Variants in BUB1 observed in about 807,000 individuals in gnomAD.
BUB1 encodes mitotic checkpoint serine/threonine-protein kinase BUB1.
In BUB1, 84 loss-of-function variants were observed where a neutral mutation model predicts 135.2. The ratio of observed to expected loss-of-function variants is 0.62; its 90% confidence interval spans 0.52 to 0.74. BUB1 has a LOEUF of 0.74. Among genes scored for constraint, BUB1 ranks in the 30% least tolerant of loss-of-function variants. The pLI is 0.00. For missense variants in BUB1, 1,162 were observed against 1,288.3 expected (o/e 0.90, Z 1.50); for synonymous variants, 403 against 434.4 (o/e 0.93, Z 0.90).
intron 19 of BUB1, among the ~76,000 whole-genome samples, chr2:110,643,096 T>C (rs921185809): frequency 3.9e-5 from 6 of 152,190 alleles, no homozygotes; most frequent in African/African-American, 1.4e-4. Flanking sequence ...ATGAGGAGCT[T>C]GGAGTCATCA....
chr2:110,674,919 A>G (rs1485277408), intron 1 of BUB1: 1 of 160,472 alleles, frequency 6.2e-6, no homozygotes, highest in Non-Finnish European at 1.4e-5. Context: ...ACTGACTCAG[A>G]CACCTGCCTT....
At chr2:110,660,102 T>C in intron 10 of BUB1, 66 bp from the exon 11 acceptor site, 1 of 1,385,136 alleles carries the variant, frequency 7.2e-7, no homozygotes, top group East Asian at 2.3e-5. Context: ...GGTGCGGTGG[T>C]GGCTCACGCC....
At chr2:110,676,981 A>T (rs190784803) in intron 1 of BUB1, among the ~76,000 whole-genome samples, 1 of 152,338 alleles carries the variant, frequency 6.6e-6, no homozygotes, top group Non-Finnish European at 1.5e-5. Context: ...GCAGAGGGAC[A>T]AATCCCTATT....
chr2:110,658,060 CCT>C (rs929683311), intron 13 of BUB1, among the ~76,000 whole-genome samples: 3 of 152,136 alleles, frequency 2.0e-5, no homozygotes, highest in South Asian at 2.1e-4. Context: ...GCATGAATCC[CCT>C]GACTCTAGAC....
At position 110,639,815 on chromosome 2, in the gene BUB1, A is replaced by AAT. The variant is rs773628416; in HGVS notation, c.2987_2988dup (p.Cys997IlefsTer9). 1 of 1,614,104 alleles carries AAT rather than the reference A, an allele frequency of 6.2e-7. No homozygotes were observed. Among genetic ancestry groups the AAT allele is most frequent in the South Asian group, 1.1e-5 (1 of 91,072 alleles). On this transcript the variant is annotated frameshift_variant, in exon 24 of 25. Transcript: ENST00000302759. LOFTEE classifies it high-confidence loss of function. The stretch of plus-strand genomic sequence containing the variant: ...TTCATGTAAGTGCCAAAGAGCATGC[A>AAT]ATATACTGTTGCAGCAACCCCAAAG...
Position 110,643,628 on chromosome 2 carries a change from C to G in BUB1, c.2348-1394G>C, listed in dbSNP as rs572984332. On this transcript the variant is annotated intron_variant, in intron 19 of 24. Coordinates refer to ENST00000302759, the MANE Select transcript of BUB1 (RefSeq NM_004336.5). ...CATATGGCAGAGATTTTAGAATTAT[C>G]AGACTAGGATTTTGTTGTTTGTGTT... Among the ~76,000 whole-genome samples, 4 of 152,156 alleles carry G rather than the reference C, an allele frequency of 2.6e-5. No homozygotes were observed. The East Asian group carries it at 7.7e-4, about 29-fold the overall frequency.
intron 1 of BUB1, chr2:110,676,528 T>C (rs999663317): frequency 2.6e-5 from 4 of 152,196 alleles, no homozygotes; most frequent in Admixed American, 1.3e-4. Flanking sequence ...CAAAATGTTA[T>C]GTACAAGATT....
intron 11 of BUB1, among the ~76,000 whole-genome samples, chr2:110,659,316 C>T (rs1690016319): frequency 6.6e-6 from 1 of 152,190 alleles, no homozygotes; most frequent in Non-Finnish European, 1.5e-5. Context: ...CTAACTTTAG[C>T]CCTTTACCCA....
In BUB1 at chr2:110,653,668, TATA is replaced by T. The variant is rs755761982; in HGVS notation, c.1877-148_1877-146del. The T allele has an allele frequency of 1.3e-5, 9 of 701,960 alleles. 1 individual carries two copies. The highest frequency in any genetic ancestry group is 1.2e-4 in the South Asian group (6 of 49,072). 43.5% of individuals were successfully genotyped at this position (701,960 alleles called of 1,614,324 possible). A position where few individuals can be genotyped will look rare whatever the true frequency, so the allele number is the denominator to read the frequency against. ...CAAAATAGTGTTCCATTGTAAAATG[TATA>T]ATAAGATTAAAAAAATGGGAGGAAA... On this transcript the variant is annotated intron_variant, in intron 16 of 24. Transcript: ENST00000302759.
At chr2:110,663,802 G>A (rs908765626) in intron 9 of BUB1, among the ~76,000 whole-genome samples, 3 of 152,304 alleles carry the variant, frequency 2.0e-5, no homozygotes, top group East Asian at 3.9e-4. Context: ...GCCAAGGTGG[G>A]CGGATCACGA....
At position 110,641,817 on chromosome 2, in the gene BUB1, A is replaced by G. The variant is rs1416278306; in HGVS notation, c.2464-14T>C. ...AGGCTTTTGGACCTGCAAATCAGGT[A>G]TGTGAAATTCATATCCAATCTCGTA... On this transcript the variant is annotated splice_polypyrimidine_tract_variant and intron_variant, in intron 20 of 24. Transcript: ENST00000302759. 7.5e-6 allele frequency: 12 copies of G among 1,598,674 alleles called. No homozygotes were observed. The highest frequency in any genetic ancestry group is 9.3e-6 in the Non-Finnish European group (11 of 1,178,374).
Position 110,655,839 on chromosome 2 carries a change from G to C in BUB1, c.1776C>G (p.Pro592=). The C allele has an allele frequency of 6.2e-7, 1 of 1,614,032 alleles. No homozygotes were observed. The highest frequency in any genetic ancestry group is 1.3e-5 in the African/African-American group (1 of 75,012). ...WGIRCNKTLA[P]SPKSPGDFTS... is the part of the protein sequence containing the mutation. ...TGAAGTCTCCTGGGCTCTTAGGACT[G>C]GGTGCCAGGGTTTTGTTGCAGCGAA... The change falls in exon 16 of 25, where the codon CCC becomes CCG. Residue 592 remains proline (P), a synonymous_variant. Transcript: ENST00000302759.
chr2:110,659,059 T>C (rs1690010827), intron 11 of BUB1, among the ~76,000 whole-genome samples: 1 of 152,168 alleles, frequency 6.6e-6, no homozygotes, highest in African/African-American at 2.4e-5. Flanking sequence ...CCCAAGTTCA[T>C]AGTCACAATG....
intron 9 of BUB1, among the ~76,000 whole-genome samples, chr2:110,664,575 CTTTTTT>C (rs559654974): frequency 7.4e-6 from 1 of 135,828 alleles, no homozygotes; most frequent in Non-Finnish European, 1.6e-5. Flanking sequence ...CTGCTGTTGC[CTTTTTT>C]TTTTTTTTTT....
rs2104538549 is a variant in BUB1 at position 110,658,708 on chromosome 2, A to G, written c.1311T>C (p.Ser437=). The G allele has an allele frequency of 6.2e-7, 1 of 1,614,194 alleles. No homozygotes were observed. The highest frequency in any genetic ancestry group is 2.2e-5 in the East Asian group (1 of 44,876). Residue 437 remains serine, a synonymous_variant, in exon 12 of 25, where the codon TCT becomes TCC. Coordinates refer to ENST00000302759, the MANE Select transcript of BUB1 (RefSeq NM_004336.5). ...GTGATGTGTTTGGAGTTGTGTGAAAAGAACTTGTGTTGGCAACCTTATGTG... is the reference window on the plus strand; with the variant it reads ...GTGATGTGTTTGGAGTTGTGTGAAAGGAACTTGTGTTGGCAACCTTATGTG... ...CETHKVANTS[S]FHTTPNTSLG... is the part of the protein sequence containing the mutation.
At chr2:110,666,476 A>G in intron 8 of BUB1, 62 bp from the exon 9 acceptor site, 2 of 1,219,930 alleles carry the variant, frequency 1.6e-6, no homozygotes, top group Non-Finnish European at 2.1e-6. Flanking sequence ...ATAGGAATAC[A>G]TGCAAAATGA....
At chr2:110,672,908 ATG>A in intron 3 of BUB1, 51 bp from the exon 4 acceptor site, 1 of 1,488,758 alleles carries the variant, frequency 6.7e-7, no homozygotes. Flanking sequence ...CTGCTAGTCT[ATG>A]TCTGGTGAGG....
At chr2:110,642,009 C>A in intron 20 of BUB1, 110 bp downstream of exon 20, 1 of 996,066 alleles carries the variant, frequency 1.0e-6, no homozygotes, top group Non-Finnish European at 1.5e-6. Flanking sequence ...TAATTGCCAA[C>A]TGTAGATATA....
At chr2:110,657,719 A>C in intron 13 of BUB1, 74 bp from the exon 14 acceptor site, 3 of 1,074,314 alleles carry the variant, frequency 2.8e-6, no homozygotes, top group Middle Eastern at 2.6e-4. Context: ...CTTCAACTAC[A>C]AATAAGAAAA....
Sources: gnomAD v4.1 joint callset for allele counts (sites outside exome capture counted in the v4.1 genomes callset) on GRCh38, gnomAD v4.1.1 for gene constraint, MANE v1.5 for transcripts, NCBI Gene and HGNC (gene_info 2026-07-23, HGNC 2026-07-21) for gene names.